BABAM2: variants seen among roughly 807,000 people sequenced by gnomAD.
BABAM2 encodes the protein BRISC and BRCA1 A complex member 2.
BABAM2 carries 31 observed loss-of-function variants against 54.7 expected under a neutral mutation model. The observed-to-expected ratio is 0.57, with a 90% CI of 0.43 to 0.77. The LOEUF (loss-of-function observed/expected upper bound fraction) is 0.77. BABAM2 is among the 30% of genes least tolerant of loss of function. The pLI, the probability that BABAM2 is intolerant of heterozygous loss-of-function variation, is 0.00. For synonymous variants in BABAM2, 167 were observed against 162.9 expected (o/e 1.03, Z -0.19); for missense variants, 364 against 455.8 (o/e 0.80, Z 1.83).
intron 7 of BABAM2, among the ~76,000 whole-genome samples, chr2:28,130,025 A>T (rs1487922772): frequency 6.6e-6 from 1 of 152,230 alleles, no homozygotes; most frequent in Non-Finnish European, 1.5e-5. Context: ...GAAATGCTTT[A>T]GTAGCTTATT....
rs11885031 is a variant in BABAM2, at chr2:28,324,677, C to A, written c.1089-13773C>A. 4.0e-3 allele frequency among the ~76,000 whole-genome samples: 598 copies of A among 151,036 alleles called. 7 individuals carry two copies. The highest frequency in any genetic ancestry group is 0.014 in the African/African-American group (581 of 41,108). ...GGGCGTGGTAGTGCACTCCTGTAGT[C>A]CTAGCTACTCGGGAGGCTGAGGCAG... On this transcript the variant is annotated intron_variant, in intron 11 of 11. Transcript: ENST00000379624.
At chr2:27,931,289 A>G (rs1379610978) in intron 3 of BABAM2, among the ~76,000 whole-genome samples, 1 of 152,224 alleles carries the variant, frequency 6.6e-6, no homozygotes. Flanking sequence ...TTAAAAACGT[A>G]AAAGTACTGG....
intron 3 of BABAM2, among the ~76,000 whole-genome samples, chr2:27,966,857 G>A (rs1222526898): frequency 6.6e-6 from 1 of 152,006 alleles, no homozygotes; most frequent in Non-Finnish European, 1.5e-5. Flanking sequence ...TTTGCCTTTT[G>A]GGCACAGACC....
At chr2:27,989,190 A>G (rs1672607744) in intron 4 of BABAM2, among the ~76,000 whole-genome samples, 1 of 152,034 alleles carries the variant, frequency 6.6e-6, no homozygotes, top group Admixed American at 6.6e-5. Context: ...TAAAGCTGAG[A>G]GTCTTAAACC....
At chr2:28,208,198 A>G (rs115382700) in intron 7 of BABAM2, among the ~76,000 whole-genome samples, 1,877 of 152,268 alleles carry the variant, frequency 0.012, 30 homozygotes, top group African/African-American at 0.042. Flanking sequence ...CAGGTGCAGG[A>G]CAGCCTGGCT....
intron 6 of BABAM2, among the ~76,000 whole-genome samples, chr2:28,122,779 T>G (rs1341385583): frequency 1.4e-5 from 2 of 148,120 alleles, no homozygotes; most frequent in Non-Finnish European, 2.9e-5. Context: ...CCAAGGCTAA[T>G]TGTTGTTGTT....
At chr2:28,046,560 G>A (rs1677593885) in intron 6 of BABAM2, among the ~76,000 whole-genome samples, 1 of 152,106 alleles carries the variant, frequency 6.6e-6, no homozygotes, top group Non-Finnish European at 1.5e-5. Flanking sequence ...TTGCAATCTA[G>A]CATAAGAAAA....
chr2:27,980,115 GA>G (rs1671896125), intron 3 of BABAM2, among the ~76,000 whole-genome samples: 1 of 152,140 alleles, frequency 6.6e-6, no homozygotes, highest in Non-Finnish European at 1.5e-5. Context: ...AGGGAGTAAT[GA>G]AAAATAAGAC....
chr2:27,900,694 T>C (rs1272662522), intron 2 of BABAM2, among the ~76,000 whole-genome samples: 1 of 152,150 alleles, frequency 6.6e-6, no homozygotes, highest in Non-Finnish European at 1.5e-5. Flanking sequence ...TATTGCTTAC[T>C]TTCTGTTATG....
At position 27,989,081 on chromosome 2, in the gene BABAM2, T is replaced by C. The variant is rs147205562; in HGVS notation, c.300+994T>C. ...AGAGTAAGGTGGATTCGTGGTGAAG[T>C]TTCTAATAATTGAACATCAGCTGTA... On this transcript the variant is annotated intron_variant, in intron 4 of 11. Transcript: ENST00000379624. 4.1e-3 allele frequency among the ~76,000 whole-genome samples: 623 copies of C among 152,206 alleles called. 4 individuals are homozygous for C. The highest frequency in any genetic ancestry group is 6.8e-3 in the Middle Eastern group (2 of 294).
At chr2:27,942,346 G>A (rs1668954134) in intron 3 of BABAM2, among the ~76,000 whole-genome samples, 1 of 151,900 alleles carries the variant, frequency 6.6e-6, no homozygotes, top group African/African-American at 2.4e-5. Flanking sequence ...GTTATACCGT[G>A]CTATTATTTT....
At chr2:28,142,655 G>T (rs1449507495) in intron 7 of BABAM2, among the ~76,000 whole-genome samples, 1 of 152,050 alleles carries the variant, frequency 6.6e-6, no homozygotes, top group Non-Finnish European at 1.5e-5. Context: ...CTGAGAAAAG[G>T]AGTTTATGAC....
intron 6 of BABAM2, among the ~76,000 whole-genome samples, chr2:28,074,763 T>G (rs781004651): frequency 2.6e-5 from 4 of 152,178 alleles, no homozygotes; most frequent in Non-Finnish European, 5.9e-5. Flanking sequence ...TCAGCCAAGC[T>G]GACCAGGACC....
chr2:28,138,845 A>G (rs1038013468), intron 7 of BABAM2, among the ~76,000 whole-genome samples: 2 of 152,100 alleles, frequency 1.3e-5, no homozygotes, highest in Admixed American at 6.6e-5. Context: ...CCCTTGCCCC[A>G]GCCTGTTTCA....
At chr2:28,235,368 G>T (rs1206746015) in intron 7 of BABAM2, among the ~76,000 whole-genome samples, 3 of 151,854 alleles carry the variant, frequency 2.0e-5, no homozygotes, top group Non-Finnish European at 4.4e-5. Flanking sequence ...GTAGAGACAG[G>T]GTTTCACCAT....
chr2:27,964,533 G>A (rs1670703639), intron 3 of BABAM2, among the ~76,000 whole-genome samples: 2 of 152,124 alleles, frequency 1.3e-5, no homozygotes. Flanking sequence ...CAAAACTTTG[G>A]GTCTACAGTG....
intron 6 of BABAM2, among the ~76,000 whole-genome samples, chr2:28,062,587 A>C (rs973839891): frequency 7.2e-5 from 11 of 152,006 alleles, no homozygotes; most frequent in South Asian, 6.2e-4. Flanking sequence ...AAAAAAAAAA[A>C]AACATATTTC....
intron 9 of BABAM2, 118 bp from the exon 10 acceptor site, chr2:28,244,662 C>A: frequency 1.1e-6 from 1 of 881,994 alleles, no homozygotes; most frequent in Non-Finnish European, 1.8e-6. Context: ...GCCTTAAACC[C>A]ATCTCAAAGT....
At chr2:28,208,063 G>GTGTGTA (rs1679063979) in intron 7 of BABAM2, among the ~76,000 whole-genome samples, 1 of 123,490 alleles carries the variant, frequency 8.1e-6, no homozygotes, top group Admixed American at 8.5e-5. Context: ...GTGTGTGTGT[G>GTGTGTA]TGTACACATG....
Sources: gnomAD v4.1 joint callset for allele counts (sites outside exome capture counted in the v4.1 genomes callset) on GRCh38, gnomAD v4.1.1 for gene constraint, MANE v1.5 for transcripts, NCBI Gene and HGNC (gene_info 2026-07-23, HGNC 2026-07-21) for gene names.